PDE8B: variants seen among roughly 807,000 people sequenced by gnomAD.
PDE8B encodes the protein phosphodiesterase 8B, also known as high affinity cAMP-specific and IBMX-insensitive 3',5'-cyclic phosphodiesterase 8B.
Under a neutral mutation model 101.3 loss-of-function variants are expected in PDE8B, and 26 were observed. The observed-to-expected ratio is 0.26, with a 90% confidence interval of 0.19 to 0.36. The LOEUF is 0.36. PDE8B is among the 10% of genes least tolerant of loss of function. The pLI is 1.00. For missense variants in PDE8B, 810 were observed against 1,163.1 expected, an observed-to-expected ratio of 0.70 and a Z score of 4.42; for synonymous variants, 424 against 429.3, an observed-to-expected ratio of 0.99 and a Z score of 0.15.
intron 1 of PDE8B, among the ~76,000 whole-genome samples, chr5:77,292,016 T>C (rs901306230): frequency 1.1e-4 from 17 of 151,908 alleles, no homozygotes; most frequent in African/African-American, 4.1e-4. Context: ...AAAAAAACCA[T>C]TTACCACTTA....
upstream of PDE8B, among the ~76,000 whole-genome samples, chr5:77,207,517 T>C (rs967140812): frequency 4.6e-5 from 7 of 152,118 alleles, no homozygotes; most frequent in African/African-American, 1.7e-4. Flanking sequence ...TGTTGCTAAA[T>C]TTTTCTCCAC....
At chr5:77,210,650 G>T (rs1269614139), upstream of PDE8B, 3 of 981,062 alleles carry the variant, frequency 3.1e-6, no homozygotes, top group Admixed American at 6.3e-5. This position sits in a 1 kb window ranked among gnomAD's most constrained non-coding sequence, Gnocchi z 4.9. Flanking sequence ...CGGCGGGGAG[G>T]GTGGCGGCCG....
the PDE8B span, among the ~76,000 whole-genome samples, chr5:77,180,239 C>A: frequency 2.6e-5 from 4 of 152,298 alleles, no homozygotes; most frequent in East Asian, 7.8e-4. Context: ...GCGCTAGGAC[C>A]CAGGCACCCG....
chr5:77,385,060 C>T (rs1283486064), intron 10 of PDE8B, among the ~76,000 whole-genome samples: 1 of 152,174 alleles, frequency 6.6e-6, no homozygotes, highest in Non-Finnish European at 1.5e-5. Context: ...ACCAGCTCCT[C>T]TTTGTACCTT....
intron 1 of PDE8B, among the ~76,000 whole-genome samples, chr5:77,232,811 A>G (rs1753840267): frequency 6.6e-6 from 1 of 152,230 alleles, no homozygotes; most frequent in South Asian, 2.1e-4. Context: ...ATGGAAACCA[A>G]GTGCATCATT....
chr5:77,249,567 A>G (rs1452621645), intron 1 of PDE8B, among the ~76,000 whole-genome samples: 1 of 152,222 alleles, frequency 6.6e-6, no homozygotes. Context: ...GAAAATTTAG[A>G]ACGAAGGTTT....
At chr5:77,088,142 C>T in the PDE8B span, 1 of 152,194 alleles carries the variant, frequency 6.6e-6, no homozygotes. Context: ...GGTTGTGGCT[C>T]GTGTGTTCGG....
intron 20 of PDE8B, 99 bp downstream of exon 20, chr5:77,422,087 A>G (rs1796768105): frequency 3.1e-6 from 4 of 1,274,192 alleles, no homozygotes; most frequent in South Asian, 1.3e-5. Flanking sequence ...CTTTTTACCA[A>G]TTAGTTAACC....
chr5:77,319,245 A>G (rs1232346479), intron 2 of PDE8B, among the ~76,000 whole-genome samples: 3 of 152,264 alleles, frequency 2.0e-5, no homozygotes, highest in African/African-American at 7.2e-5. Flanking sequence ...TGCATAAAGC[A>G]TAAACTTTGC....
chr5:77,174,119 T>C, the PDE8B span, among the ~76,000 whole-genome samples: 5 of 152,172 alleles, frequency 3.3e-5, no homozygotes, highest in Admixed American at 6.5e-5. Flanking sequence ...GAGCTTCCTC[T>C]CTTACCTATA....
rs752387924 is a variant in PDE8B at position 77,419,907 on chromosome 5, C to A, written c.2250+20C>A. ...GCTGAGGTGAGTACTGCTTTCCATGCCATAAGGCACATCCAAGTACATTTC... is the reference window on the plus strand; with the variant it reads ...GCTGAGGTGAGTACTGCTTTCCATGACATAAGGCACATCCAAGTACATTTC... On this transcript the variant is annotated intron_variant, in intron 19 of 21. Transcript: ENST00000264917. 6.2e-7 allele frequency: 1 copy of A among 1,613,308 alleles called. No homozygotes were observed. Among genetic ancestry groups the A allele is most frequent in the Non-Finnish European group, 8.5e-7 (1 of 1,179,482 alleles).
At chr5:77,215,430 T>A (rs1251927666) in intron 1 of PDE8B, among the ~76,000 whole-genome samples, 1 of 152,242 alleles carries the variant, frequency 6.6e-6, no homozygotes, top group Non-Finnish European at 1.5e-5. Context: ...TGATTACAAT[T>A]TAGTCCCTTC....
chr5:77,126,860 C>T, the PDE8B span, among the ~76,000 whole-genome samples: 1 of 152,188 alleles, frequency 6.6e-6, no homozygotes, highest in Non-Finnish European at 1.5e-5. Flanking sequence ...TTTCACATCC[C>T]TGAGCTTTCT....
the PDE8B span, among the ~76,000 whole-genome samples, chr5:77,159,621 A>G: frequency 1.3e-5 from 2 of 152,292 alleles, no homozygotes; most frequent in Non-Finnish European, 2.9e-5. Flanking sequence ...GTGCGTTTGC[A>G]TATATCATAT....
chr5:77,390,386 G>A (rs1789655882), intron 10 of PDE8B, among the ~76,000 whole-genome samples: 1 of 152,150 alleles, frequency 6.6e-6, no homozygotes, highest in Admixed American at 6.5e-5. Flanking sequence ...TCCCAGCTTC[G>A]AGCTCTGGCA....
the PDE8B span, among the ~76,000 whole-genome samples, chr5:77,108,787 A>T: frequency 6.6e-6 from 1 of 152,186 alleles, no homozygotes; most frequent in Non-Finnish European, 1.5e-5. Context: ...GTAAAGTAAA[A>T]AATATTTATC....
chr5:77,131,391 A>G, the PDE8B span, among the ~76,000 whole-genome samples: 1 of 152,226 alleles, frequency 6.6e-6, no homozygotes, highest in Admixed American at 6.5e-5. Context: ...CTTTCCACCC[A>G]CGTTCCAGGA....
intron 5 of PDE8B, 27 bp downstream of exon 5, chr5:77,331,486 C>A (rs1275512667): frequency 3.2e-6 from 5 of 1,575,302 alleles, no homozygotes; most frequent in Non-Finnish European, 3.5e-6. Context: ...CAGCATCTCT[C>A]TCAGTTGCAG....
chr5:77,418,084 T>TC (rs1795937482), intron 17 of PDE8B, 145 bp from the exon 18 acceptor site: 1 of 701,198 alleles, frequency 1.4e-6, no homozygotes, highest in South Asian at 1.5e-5. Flanking sequence ...AGGCCGCCTC[T>TC]CCACATCTAG....
Sources: gnomAD v4.1 joint callset for allele counts (sites outside exome capture counted in the v4.1 genomes callset) on GRCh38, gnomAD v4.1.1 for gene constraint, Gnocchi (gnomAD v3.1) non-coding constraint, MANE v1.5 for transcripts, NCBI Gene and HGNC (gene_info 2026-07-23, HGNC 2026-07-21) for gene names.